ROBO1: variants seen among roughly 807,000 people sequenced by gnomAD.
The protein encoded by ROBO1 is roundabout guidance receptor 1.
In ROBO1, 149 loss-of-function variants were observed where a neutral mutation model predicts 195.9. The ratio of observed to expected loss-of-function variants is 0.76; its 90% CI spans 0.67 to 0.87. ROBO1 has a LOEUF of 0.87. Ranked by LOEUF, ROBO1 falls within the 40% of genes least tolerant of loss-of-function variation. The pLI is 0.00. For synonymous variants in ROBO1, 816 were observed against 733.2 expected (o/e 1.11, Z -1.82); for missense variants, 1,933 against 2,068.3 (o/e 0.93, Z 1.27).
At chr3:79,049,586 C>T (rs573900083) in intron 3 of ROBO1, among the ~76,000 whole-genome samples, 1 of 152,126 alleles carries the variant, frequency 6.6e-6, no homozygotes, top group South Asian at 2.1e-4. Flanking sequence ...AACCCCAAGA[C>T]ACGTAATTGT....
At chr3:79,311,181 T>A (rs2033468467) in intron 2 of ROBO1, among the ~76,000 whole-genome samples, 1 of 152,158 alleles carries the variant, frequency 6.6e-6, no homozygotes, top group African/African-American at 2.4e-5. Flanking sequence ...TTGTGAGCAG[T>A]AGCTGAGGGA....
chr3:78,860,045 C>T (rs993925992), intron 4 of ROBO1, among the ~76,000 whole-genome samples: 1 of 150,350 alleles, frequency 6.7e-6, no homozygotes, highest in Non-Finnish European at 1.5e-5. Context: ...TGCCACTGCA[C>T]TCCAGCCTGG....
At chr3:78,908,874 A>G (rs1311791600) in intron 4 of ROBO1, among the ~76,000 whole-genome samples, 2 of 151,864 alleles carry the variant, frequency 1.3e-5, no homozygotes, top group East Asian at 3.9e-4. Context: ...TCCACCTTTC[A>G]ATATAGATAC....
chr3:79,236,106 G>A (rs971124038), intron 2 of ROBO1, among the ~76,000 whole-genome samples: 1 of 151,918 alleles, frequency 6.6e-6, no homozygotes, highest in Non-Finnish European at 1.5e-5. Context: ...CATGTTCCAC[G>A]TATTCAATGC....
chr3:79,220,115 C>A (rs112432956), intron 2 of ROBO1, among the ~76,000 whole-genome samples: 7 of 152,120 alleles, frequency 4.6e-5, no homozygotes, highest in African/African-American at 1.7e-4. Flanking sequence ...GGAATGTATG[C>A]TTTTCTCTTA....
intron 3 of ROBO1, among the ~76,000 whole-genome samples, chr3:79,084,358 C>T (rs531695665): frequency 1.9e-4 from 29 of 152,018 alleles, no homozygotes; most frequent in Non-Finnish European, 3.4e-4. Context: ...ATTAGCCGGG[C>T]TTGGTGGCAC....
At chr3:78,664,873 T>G (rs1707641535) in intron 14 of ROBO1, among the ~76,000 whole-genome samples, 1 of 152,184 alleles carries the variant, frequency 6.6e-6, no homozygotes, top group Non-Finnish European at 1.5e-5. Flanking sequence ...TTATTACAGT[T>G]ATAATCCAAG....
At chr3:79,452,408 T>C (rs1199660967) in intron 2 of ROBO1, among the ~76,000 whole-genome samples, 1 of 152,108 alleles carries the variant, frequency 6.6e-6, no homozygotes, top group East Asian at 1.9e-4. Context: ...GAATGTGCCA[T>C]GTCTCCATAT....
intron 10 of ROBO1, among the ~76,000 whole-genome samples, chr3:78,684,620 G>A (rs2081010142): frequency 6.6e-6 from 1 of 152,056 alleles, no homozygotes; most frequent in South Asian, 2.1e-4. Context: ...AAACAGGATG[G>A]AATTAGTAGG....
chr3:79,727,315 CT>C (rs1297163384), intron 1 of ROBO1, among the ~76,000 whole-genome samples: 2 of 151,864 alleles, frequency 1.3e-5, no homozygotes, highest in Non-Finnish European at 2.9e-5. Context: ...ATTTTGAATT[CT>C]TAAGTTACAT....
chr3:79,392,760 C>T (rs1465589158), intron 2 of ROBO1, among the ~76,000 whole-genome samples: 1 of 152,082 alleles, frequency 6.6e-6, no homozygotes, highest in Non-Finnish European at 1.5e-5. Context: ...GATAGTATAT[C>T]ATCAAATAAA....
chr3:79,525,046 A>G (rs1171717301), intron 2 of ROBO1, among the ~76,000 whole-genome samples: 1 of 151,852 alleles, frequency 6.6e-6, no homozygotes, highest in African/African-American at 2.4e-5. Flanking sequence ...CCTGTCATAA[A>G]AATTCTCAAA....
At chr3:78,686,042 T>C (rs1286120212) in intron 9 of ROBO1, 125 bp from the exon 10 acceptor site, 3 of 752,328 alleles carry the variant, frequency 4.0e-6, no homozygotes, top group Admixed American at 5.9e-5. Flanking sequence ...CATATGCATA[T>C]GTATCCGTCT....
chr3:79,048,011 A>G (rs138896156), intron 3 of ROBO1, among the ~76,000 whole-genome samples: 96 of 152,266 alleles, frequency 6.3e-4, no homozygotes, highest in African/African-American at 2.2e-3. Flanking sequence ...TCTATCCTGT[A>G]GCTAAATAGA....
At chr3:79,056,818 A>G (rs1043138966) in intron 3 of ROBO1, among the ~76,000 whole-genome samples, 7 of 152,190 alleles carry the variant, frequency 4.6e-5, no homozygotes, top group African/African-American at 1.7e-4. Context: ...ATAGTTCAAC[A>G]TAATGATTTA....
chr3:79,341,633 T>C (rs896452018), intron 2 of ROBO1, among the ~76,000 whole-genome samples: 8 of 152,124 alleles, frequency 5.3e-5, no homozygotes, highest in Non-Finnish European at 1.2e-4. Flanking sequence ...TGGGACCCAC[T>C]GTGCCTGGCT....
intron 2 of ROBO1, among the ~76,000 whole-genome samples, chr3:79,392,041 A>G (rs890778291): frequency 1.1e-4 from 17 of 152,340 alleles, no homozygotes; most frequent in African/African-American, 4.1e-4. Context: ...GTGGACCAGA[A>G]GTCCAGATCT....
Position 78,743,772 on chromosome 3 carries a change from G to A in ROBO1, c.657+2971C>T, listed in dbSNP as rs184288139. 3.9e-3 allele frequency among the ~76,000 whole-genome samples: 590 copies of A among 152,296 alleles called. 3 individuals are homozygous for A. The highest frequency in any genetic ancestry group is 6.3e-3 in the Non-Finnish European group (426 of 68,040). ...CAGTTGCACTACCTAAATAAGACAA[G>A]TAGCTTCCTTGGTTGCAGAGTGGTA... On this transcript the variant is annotated intron_variant, in intron 5 of 30. Transcript: ENST00000464233.
chr3:78,613,546 G>A (rs1236019891), intron 28 of ROBO1, among the ~76,000 whole-genome samples: 1 of 152,136 alleles, frequency 6.6e-6, no homozygotes, highest in Admixed American at 6.6e-5. Context: ...GCCCAGGTGC[G>A]CTGTGTCACG....
Sources: gnomAD v4.1 joint callset for allele counts (sites outside exome capture counted in the v4.1 genomes callset) on GRCh38, gnomAD v4.1.1 for gene constraint, MANE v1.5 for transcripts, NCBI Gene and HGNC (gene_info 2026-07-23, HGNC 2026-07-21) for gene names.